FGD4: variants seen among roughly 807,000 people sequenced by gnomAD.
FGD4 encodes the protein FYVE, RhoGEF and PH domain containing 4.
In FGD4, 42 loss-of-function variants were observed where a neutral mutation model predicts 102.0. The ratio of observed to expected loss-of-function variants is 0.41; its 90% CI spans 0.32 to 0.53. The LOEUF (loss-of-function observed/expected upper bound fraction) is 0.53, where lower values mean the gene tolerates loss of function less well. FGD4 is among the 20% of genes least tolerant of loss of function. The pLI is 0.21. For missense variants in FGD4, 902 were observed against 1,078.2 expected (o/e 0.84, Z 2.29); for synonymous variants, 380 against 375.7 (o/e 1.01, Z -0.13).
intron 1 of FGD4, among the ~76,000 whole-genome samples, chr12:32,484,859 G>A (rs1203824993): frequency 6.6e-6 from 1 of 151,972 alleles, no homozygotes; most frequent in East Asian, 1.9e-4. Context: ...GTGACAGAGG[G>A]ATACTCTGTC....
At chr12:32,559,124 G>A (rs17610602) in intron 1 of FGD4, among the ~76,000 whole-genome samples, 9,093 of 152,218 alleles carry the variant, frequency 0.06, 345 homozygotes, top group South Asian at 0.14. Context: ...GAGACCATCT[G>A]GTTACAATTT....
At chr12:32,604,385 T>G (rs1439714591) in intron 7 of FGD4, among the ~76,000 whole-genome samples, 3 of 152,142 alleles carry the variant, frequency 2.0e-5, no homozygotes, top group Non-Finnish European at 4.4e-5. Flanking sequence ...AATGGTGTCT[T>G]GCTGTGTTGC....
At chr12:32,484,656 G>A (rs140824833) in intron 1 of FGD4, among the ~76,000 whole-genome samples, 109 of 152,254 alleles carry the variant, frequency 7.2e-4, no homozygotes, top group African/African-American at 2.6e-3. Context: ...TGGATTACCT[G>A]AGGTCAGGAG....
intron 1 of FGD4, among the ~76,000 whole-genome samples, chr12:32,534,872 A>G (rs1282564608): frequency 6.6e-6 from 1 of 152,212 alleles, no homozygotes; most frequent in Non-Finnish European, 1.5e-5. Flanking sequence ...TTTACCACTA[A>G]TCATTTTTCT....
intron 1 of FGD4, among the ~76,000 whole-genome samples, chr12:32,470,143 G>A (rs1412463398): frequency 2.6e-5 from 4 of 152,126 alleles, no homozygotes; most frequent in Middle Eastern, 3.4e-3. Flanking sequence ...TATCCTGTGC[G>A]AATTAGAATA....
chr12:32,571,027 G>A (rs781440280), intron 2 of FGD4, among the ~76,000 whole-genome samples: 7 of 152,074 alleles, frequency 4.6e-5, no homozygotes, highest in East Asian at 1.9e-4. Context: ...TTCACAGGTC[G>A]GGTTCTTTCG....
Position 32,644,847 on chromosome 12 carries a change from T to C in FGD4, c.*4314T>C, listed in dbSNP as rs562035049. ...TTTTCTCCTTTGGGCTTTTAAAAAA[T>C]AATTTCATTCTCAGATCATTTTCTG... is the stretch of plus-strand genomic sequence containing the variant. On this transcript the variant is annotated 3_prime_UTR_variant, in exon 17 of 17. Coordinates refer to ENST00000534526, the MANE Select transcript of FGD4 (RefSeq NM_001370298.3). 6.6e-6 allele frequency: 1 copy of C among 150,776 alleles called. No homozygotes were observed. Among genetic ancestry groups the C allele is most frequent in the East Asian group, 1.9e-4 (1 of 5,146 alleles). The allele number at this position is 150,776 out of a possible 1,614,324, so 9.3% of individuals were successfully genotyped here. A position where few individuals can be genotyped will look rare whatever the true frequency, so the allele number is the denominator to read the frequency against.
intron 3 of FGD4, among the ~76,000 whole-genome samples, chr12:32,578,544 A>T (rs1946320529): frequency 6.6e-6 from 1 of 152,080 alleles, no homozygotes; most frequent in African/African-American, 2.4e-5. Context: ...TTAAGACCTT[A>T]CCCGGCTGGG....
rs542774862 is a variant in FGD4 at position 32,473,910 on chromosome 12, A to C, written c.166+73951A>C. ...AGACCATCATGGCTAACATGGTGAA[A>C]CCCTGTCTCTACTAAAAAATACAAA... On this transcript the variant is annotated intron_variant, in intron 1 of 16. Transcript: ENST00000534526. 3.1e-3 allele frequency among the ~76,000 whole-genome samples: 478 copies of C among 152,068 alleles called. 4 individuals are homozygous for C. The highest frequency in any genetic ancestry group is 0.011 in the African/African-American group (458 of 41,490).
chr12:32,543,257 C>G (rs1440951722), intron 1 of FGD4, among the ~76,000 whole-genome samples: 1 of 152,158 alleles, frequency 6.6e-6, no homozygotes, highest in African/African-American at 2.4e-5. Context: ...CCAGAAGATT[C>G]CTGAACATGG....
intron 15 of FGD4, among the ~76,000 whole-genome samples, chr12:32,634,526 G>C (rs146470332): frequency 1.7e-3 from 251 of 152,056 alleles, no homozygotes; most frequent in African/African-American, 5.8e-3. Flanking sequence ...CTATAACGCA[G>C]CTTATCTGAA....
At chr12:32,582,822 G>T in intron 4 of FGD4, 1 of 236,138 alleles carries the variant, frequency 4.2e-6, no homozygotes, top group Non-Finnish European at 8.4e-6. Flanking sequence ...GGCCAAGCAA[G>T]AAGAAATTGT....
intron 1 of FGD4, among the ~76,000 whole-genome samples, chr12:32,449,832 G>A (rs1394043567): frequency 1.3e-5 from 2 of 152,016 alleles, no homozygotes; most frequent in African/African-American, 2.4e-5. Context: ...TTGACCTCCC[G>A]GGCTCAAGGG....
chr12:32,519,119 GAAAAAAAA>G (rs751377618), intron 1 of FGD4, among the ~76,000 whole-genome samples: 1 of 73,428 alleles, frequency 1.4e-5, no homozygotes, highest in Admixed American at 1.7e-4. Flanking sequence ...TCCGTCTCAG[GAAAAAAAA>G]AAAAAAAAAA....
At chr12:32,454,563 A>G (rs919612285) in intron 1 of FGD4, among the ~76,000 whole-genome samples, 1 of 152,272 alleles carries the variant, frequency 6.6e-6, no homozygotes. Flanking sequence ...CTAAGCTTTT[A>G]TTTTTTAAAA....
chr12:32,489,677 C>T (rs1944024762), intron 1 of FGD4, among the ~76,000 whole-genome samples: 1 of 152,116 alleles, frequency 6.6e-6, no homozygotes, highest in Non-Finnish European at 1.5e-5. Flanking sequence ...GCTTATTGAG[C>T]ACCTATTAGA....
intron 1 of FGD4, among the ~76,000 whole-genome samples, chr12:32,441,295 C>T (rs899231615): frequency 6.6e-6 from 1 of 152,126 alleles, no homozygotes; most frequent in Non-Finnish European, 1.5e-5. Flanking sequence ...ACCCAAAGCC[C>T]TCAGTGTAGT....
rs893319302 is a variant in FGD4, at chr12:32,608,182, C to T, written c.1543+87C>T. 1.9e-5 allele frequency: 29 copies of T among 1,520,124 alleles called. No individual in the cohort carries two copies. In the African/African-American group the frequency reaches 3.0e-4, roughly 16 times the overall value. The allele number at this position is 1,520,124 out of a possible 1,614,324, so 94.2% of individuals were successfully genotyped here. A position where few individuals can be genotyped will look rare whatever the true frequency, so the allele number is the denominator to read the frequency against. On this transcript the variant is annotated intron_variant, in intron 8 of 16. Transcript: ENST00000534526. ...TGGTTTCAAAGAGAAATACATCTCA[C>T]AGCTACTTTAGTCAAATGTTGCTGT...
At chr12:32,554,859 C>T (rs1233995636) in intron 1 of FGD4, among the ~76,000 whole-genome samples, 1 of 152,210 alleles carries the variant, frequency 6.6e-6, no homozygotes, top group East Asian at 1.9e-4. Flanking sequence ...GAATGGAATG[C>T]CCAAGGGGCA....
Sources: allele counts gnomAD v4.1 joint callset (sites outside exome capture counted in the v4.1 genomes callset), GRCh38; gene constraint gnomAD v4.1.1; transcripts MANE v1.5; gene names NCBI Gene and HGNC (gene_info 2026-07-23, HGNC 2026-07-21).